KMT2A: variants seen among roughly 807,000 people sequenced by gnomAD.
KMT2A encodes the protein histone-lysine N-methyltransferase 2A.
Under a neutral mutation model 345.3 loss-of-function variants are expected in KMT2A, and 16 were observed. The observed-to-expected ratio is 0.05, with a 90% CI of 0.03 to 0.07. The LOEUF (loss-of-function observed/expected upper bound fraction) is 0.07. KMT2A is among the 10% of genes least tolerant of loss of function. The pLI is 1.00. For synonymous variants in KMT2A, 1,599 were observed against 1,778.6 expected (o/e 0.90, Z 2.54); for missense variants, 3,272 against 4,841.6 (o/e 0.68, Z 9.62).
intron 1 of KMT2A, among the ~76,000 whole-genome samples, chr11:118,455,661 A>G (rs1045377919): frequency 6.7e-6 from 1 of 148,720 alleles, no homozygotes; most frequent in Admixed American, 6.7e-5. Flanking sequence ...TCTGCCCCTT[A>G]TTATTATTAT....
chr11:118,470,737 G>A (rs974892462), intron 2 of KMT2A, among the ~76,000 whole-genome samples: 1 of 152,148 alleles, frequency 6.6e-6, no homozygotes, highest in Admixed American at 6.6e-5. Flanking sequence ...TTTAGTCTCA[G>A]AAGAATGTTA....
In KMT2A at chr11:118,503,006, C is replaced by T. The variant is rs1950525580; in HGVS notation, c.7114C>T (p.His2372Tyr). The change falls in exon 27 of 36, where the codon CAC becomes TAC. Residue 2372 changes from histidine (H) to tyrosine (Y), a missense_variant. His to Tyr is a moderately conservative substitution (Grantham distance 83). This residue lies in a region of KMT2A where 445 missense variants were observed against 500.9 expected (regional missense o/e 0.89). Coordinates refer to ENST00000534358, the MANE Select transcript of KMT2A (RefSeq NM_001197104.2). The surrounding 1 kb of genome is among the most constrained non-coding windows in gnomAD (Gnocchi z 5.3). Reference sequence around the variant, plus strand: ...TTCTAAAGAGGCCCTCTCCTTCCCACACCTCCATTTGAGAGGGCAAAGGAA... The same window carrying T: ...TTCTAAAGAGGCCCTCTCCTTCCCATACCTCCATTTGAGAGGGCAAAGGAA... ...FSSKEALSFP[H>Y]LHLRGQRNDR... 1.9e-6 allele frequency: 3 copies of T among 1,614,070 alleles called. No individual in the cohort carries two copies. Among genetic ancestry groups the T allele is most frequent in the Non-Finnish European group, 2.5e-6 (3 of 1,180,026 alleles).
intron 1 of KMT2A, among the ~76,000 whole-genome samples, chr11:118,457,486 T>TG (rs1949668290): frequency 6.6e-6 from 1 of 151,836 alleles, no homozygotes; most frequent in African/African-American, 2.4e-5. Flanking sequence ...TTGGCCAAGC[T>TG]GGTCTCAAAC....
At chr11:118,506,667 C>T (rs1950589916) in intron 27 of KMT2A, 21 bp downstream of exon 27, 1 of 1,561,448 alleles carries the variant, frequency 6.4e-7, no homozygotes, top group Non-Finnish European at 8.7e-7. Context: ...CAAATACTAG[C>T]TAGGCTGGGT....
intron 28 of KMT2A, among the ~76,000 whole-genome samples, chr11:118,507,942 G>C (rs534525295): frequency 1.2e-4 from 18 of 152,108 alleles, no homozygotes; most frequent in African/African-American, 3.9e-4. Context: ...CAGCCTGGGC[G>C]ATAGAGCAAG....
At chr11:118,500,446 T>C (rs528030892) in intron 24 of KMT2A, among the ~76,000 whole-genome samples, 2 of 152,246 alleles carry the variant, frequency 1.3e-5, no homozygotes, top group Non-Finnish European at 2.9e-5. Context: ...CAATATATGC[T>C]CCAACTTACT....
rs74891613 is a variant in KMT2A at position 118,521,515 on chromosome 11, A to C, written c.11643+98A>C. 2.2e-5 allele frequency: 30 copies of C among 1,376,928 alleles called. No individual in the cohort carries two copies. The African/African-American group carries it at 4.4e-4, about 20-fold the overall frequency. 85.3% of individuals were successfully genotyped at this position (1,376,928 alleles called of 1,614,324 possible). ...ACAAAAGAAATAGTGTATGTTATCA[A>C]TTCAGAGACCTTTCTTAAAAAAATA... is the stretch of plus-strand genomic sequence containing the variant. On this transcript the variant is annotated intron_variant, in intron 35 of 35. Coordinates refer to ENST00000534358, the MANE Select transcript of KMT2A (RefSeq NM_001197104.2). This position sits in a 1 kb window ranked among gnomAD's most constrained non-coding sequence, Gnocchi z 5.3.
At chr11:118,457,670 T>C (rs927172648) in intron 1 of KMT2A, among the ~76,000 whole-genome samples, 7 of 151,912 alleles carry the variant, frequency 4.6e-5, no homozygotes, top group Non-Finnish European at 8.8e-5. Flanking sequence ...CACATTCTTT[T>C]GTGTCTCTGT....
At position 118,505,047 on chromosome 11, in the gene KMT2A, A is replaced by G. The variant is rs1414922786; in HGVS notation, c.9155A>G (p.Asn3052Ser). The change falls in exon 27 of 36, where the codon AAT (asparagine) becomes AGT (serine). Residue 3052 changes from asparagine to serine, a missense_variant. By Grantham distance (46) the Asn-to-Ser change is conservative (BLOSUM62 1). Around this residue, in one of 27 missense-constraint regions of KMT2A, gnomAD observed 748 missense variants for 922.2 expected, o/e 0.81. Coordinates refer to ENST00000534358, the MANE Select transcript of KMT2A (RefSeq NM_001197104.2). This position sits in a 1 kb window ranked among gnomAD's most constrained non-coding sequence, Gnocchi z 4.6. ...VPIQNQKYVP[N>S]STDSPGPSQI... Reference sequence around the variant, plus strand: ...ATCCAGAACCAGAAGTATGTGCCCAATTCTACTGATAGTCCTGGCCCGTCT... The same window carrying G: ...ATCCAGAACCAGAAGTATGTGCCCAGTTCTACTGATAGTCCTGGCCCGTCT... 6.2e-7 allele frequency: 1 copy of G among 1,614,102 alleles called. No homozygotes were observed. The highest frequency in any genetic ancestry group is 8.5e-7 in the Non-Finnish European group (1 of 1,180,020).
rs1286563388 is a variant in KMT2A at position 118,520,328 on chromosome 11, T to C, written c.11429+264T>C. The stretch of plus-strand genomic sequence containing the variant: ...AGCTTTGGTTGTACCACCATAGTTG[T>C]CATGGTCAGAAAGTACTATATATAC... On this transcript the variant is annotated intron_variant, in intron 33 of 35. Coordinates refer to ENST00000534358, the MANE Select transcript of KMT2A (RefSeq NM_001197104.2). This position sits in a 1 kb window ranked among gnomAD's most constrained non-coding sequence, Gnocchi z 4.3. 3 of 462,996 alleles carry C rather than the reference T, an allele frequency of 6.5e-6. No homozygotes were observed. The Admixed American group carries it at 1.1e-4, about 18-fold the overall frequency. 28.7% of individuals were successfully genotyped at this position (462,996 alleles called of 1,614,324 possible). A position where few individuals can be genotyped will look rare whatever the true frequency, so the allele number is the denominator to read the frequency against.
rs1268743957 is a variant in KMT2A at position 118,526,699 on chromosome 11, G to A, written c.*4527G>A. The stretch of plus-strand genomic sequence containing the variant: ...AATAATAATGCTGAAAGCTCTCTAC[G>A]AAAGACTGAATGTAAAAGTAAAAAG... On this transcript the variant is annotated 3_prime_UTR_variant, in exon 36 of 36. Coordinates refer to ENST00000534358, the MANE Select transcript of KMT2A (RefSeq NM_001197104.2). 3 of 231,062 alleles carry A rather than the reference G, an allele frequency of 1.3e-5. No individual in the cohort carries two copies. The highest frequency in any genetic ancestry group is 6.2e-5 in the East Asian group (1 of 16,158). 14.3% of individuals were successfully genotyped at this position (231,062 alleles called of 1,614,324 possible).
chr11:118,489,831 C>T lies in KMT2A; in HGVS notation c.4519C>T (p.Pro1507Ser). The change falls in exon 12 of 36, where the codon CCT (proline) becomes TCT (serine). Residue 1507 changes from proline to serine, a missense_variant. This residue lies in a region of KMT2A where 120 missense variants were observed against 280.4 expected (regional missense o/e 0.43). Transcript: ENST00000534358. ...TAATAAGTGCCGAAACAGCTATCACCCTGAGTGCCTGGGACCAAACTACCC... is the reference window on the plus strand; with the variant it reads ...TAATAAGTGCCGAAACAGCTATCACTCTGAGTGCCTGGGACCAAACTACCC... ...ECNKCRNSYH[P>S]ECLGPNYPTK... The T allele has an allele frequency of 6.2e-7, 1 of 1,614,122 alleles. No homozygotes were observed. Among genetic ancestry groups the T allele is most frequent in the Non-Finnish European group, 8.5e-7 (1 of 1,180,018 alleles).
chr11:118,492,093 A>G (rs544658551), intron 15 of KMT2A, among the ~76,000 whole-genome samples, 165 bp downstream of exon 15: 15 of 152,370 alleles, frequency 9.8e-5, no homozygotes, highest in African/African-American at 1.4e-4. Flanking sequence ...TCTTTAGCGT[A>G]AGAAATAGGA....
chr11:118,482,275 T>C (rs1950147527), intron 7 of KMT2A, 147 bp from the exon 8 acceptor site: 1 of 905,154 alleles, frequency 1.1e-6, no homozygotes, highest in African/African-American at 1.7e-5. Context: ...AACAGTTAAA[T>C]TGGAGGTATT....
In KMT2A at chr11:118,502,542, G is replaced by A. The variant is rs782483583; in HGVS notation, c.6650G>A (p.Arg2217Lys). ...AAACTCCGGATAATGTCTCCAATGA[G>A]AACTGGGAATACTTACTCTAGGAAT... ...RSKLRIMSPM[R>K]TGNTYSRNNV... The change falls in exon 27 of 36, where the codon AGA becomes AAA. Residue 2217 changes from arginine (R) to lysine (K), a missense_variant. This residue lies in a region of KMT2A where 445 missense variants were observed against 500.9 expected (regional missense o/e 0.89). Coordinates refer to ENST00000534358, the MANE Select transcript of KMT2A (RefSeq NM_001197104.2). This position sits in a 1 kb window ranked among gnomAD's most constrained non-coding sequence, Gnocchi z 4.9. 52 of 1,613,906 alleles carry A rather than the reference G, an allele frequency of 3.2e-5. No individual in the cohort carries two copies. The highest frequency in any genetic ancestry group is 4.3e-5 in the Non-Finnish European group (51 of 1,180,008).
chr11:118,494,396 C>CACCCGAATGAA lies in KMT2A; in HGVS notation c.5287_5288insACCCGAATGAA (p.Arg1763HisfsTer64). 6.6e-7 allele frequency: 1 copy of CACCCGAATGAA among 1,507,974 alleles called. No homozygotes were observed. The highest frequency in any genetic ancestry group is 9.2e-7 in the Non-Finnish European group (1 of 1,083,824). 93.4% of individuals were successfully genotyped at this position (1,507,974 alleles called of 1,614,324 possible). On this transcript the variant is annotated frameshift_variant and splice_region_variant, in exon 17 of 36. Transcript: ENST00000534358. LOFTEE classifies it high-confidence loss of function. The surrounding 1 kb of genome is among the most constrained non-coding windows in gnomAD (Gnocchi z 5.8). Reference sequence around the variant, plus strand: ...CAGCATGGTCAAGTCCTTCTTCATTCGGGTGAATGATATTACTAATTCATG... The same window carrying CACCCGAATGAA: ...CAGCATGGTCAAGTCCTTCTTCATTCACCCGAATGAAGGGTGAATGATATTACTAATTCATG...
Position 118,473,488 on chromosome 11 carries a change from T to C in KMT2A, c.2329T>C (p.Ser777Pro). 6.2e-7 allele frequency: 1 copy of C among 1,614,224 alleles called. No homozygotes were observed. Among genetic ancestry groups the C allele is most frequent in the Non-Finnish European group, 8.5e-7 (1 of 1,180,052 alleles). ...ACCTCTCACCCCCCCGTCTTCTGTC[T>C]CTTCCTCGTTAAGCATTTCTGTTAG... Reference protein sequence around the residue: ...LSPLTPPSSVSSSLSISVSPL... With the variant: ...LSPLTPPSSVPSSLSISVSPL... Residue 777 changes from serine (S) to proline (P), a missense_variant, in exon 3 of 36, where the codon TCT (serine) becomes CCT (proline). Transcript: ENST00000534358. The surrounding 1 kb of genome is among the most constrained non-coding windows in gnomAD (Gnocchi z 5.2).
In KMT2A at chr11:118,472,891, A is replaced by T; in HGVS notation, c.1732A>T (p.Ile578Phe). The change falls in exon 3 of 36, where the codon ATC becomes TTC. Residue 578 changes from isoleucine (I) to phenylalanine (F), a missense_variant. Around this residue, in one of 27 missense-constraint regions of KMT2A, gnomAD observed 180 missense variants for 190.7 expected, o/e 0.94. Transcript: ENST00000534358. ...GCCACCACTGCAGCCAGCCTCCAGT[A>T]TCTCTGACCACACACCTTGGCTTAT... ...PPPPLQPASS[I>F]SDHTPWLMPP... 6.2e-7 allele frequency: 1 copy of T among 1,613,902 alleles called. No individual in the cohort carries two copies. The highest frequency in any genetic ancestry group is 8.5e-7 in the Non-Finnish European group (1 of 1,179,962).
rs782087590 is a variant in KMT2A at position 118,467,590 on chromosome 11, T to G, written c.433-1185T>G. Among the ~76,000 whole-genome samples, 6 of 152,188 alleles carry G rather than the reference T, an allele frequency of 3.9e-5. No homozygotes were observed. In the South Asian group the frequency reaches 1.2e-3, roughly 32 times the overall value. ...AGCATTTAAATTTAAGAGATGAACC[T>G]GCTAATTTGTCCTAAAAGTTATATA... On this transcript the variant is annotated intron_variant, in intron 1 of 35. Coordinates refer to ENST00000534358, the MANE Select transcript of KMT2A (RefSeq NM_001197104.2).
Sources: gnomAD v4.1 joint callset for allele counts (sites outside exome capture counted in the v4.1 genomes callset) on GRCh38, gnomAD v4.1.1 for gene constraint, gnomAD v4.1.1 regional missense constraint, Gnocchi (gnomAD v3.1) non-coding constraint, MANE v1.5 for transcripts, NCBI Gene and HGNC (gene_info 2026-07-23, HGNC 2026-07-21) for gene names.